The following RYK variants were observed in gnomAD, a reference collection of about 807,000 sequenced individuals.
RYK encodes receptor like tyrosine kinase, also known as inactive tyrosine-protein kinase RYK.
Under a neutral mutation model 70.2 loss-of-function variants are expected in RYK, and 21 were observed. The ratio of observed to expected loss-of-function variants is 0.30; its 90% CI spans 0.21 to 0.43. RYK has a LOEUF of 0.43. Ranked by LOEUF, RYK falls within the 20% of genes least tolerant of loss-of-function variation. RYK has a pLI of 1.00. For missense variants in RYK, 604 were observed against 753.3 expected, an observed-to-expected ratio of 0.80 and a Z score of 2.32; for synonymous variants, 267 against 278.0, an observed-to-expected ratio of 0.96 and a Z score of 0.39.
intron 13 of RYK, among the ~76,000 whole-genome samples, chr3:134,168,414 A>G (rs2012767151): frequency 1.3e-5 from 2 of 152,224 alleles, no homozygotes; most frequent in Admixed American, 1.3e-4. Context: ...AATGTGGCAC[A>G]TATACACCAT....
Position 134,195,159 on chromosome 3 carries a change from T to C in RYK, c.812A>G (p.Gln271Arg). Residue 271 changes from glutamine to arginine, a missense_variant, in exon 7 of 15, where the codon CAA becomes CGA. Transcript: ENST00000623711. ...DDSISASSSSQGLSQPSTQTT... is the reference protein window; with the variant it reads ...DDSISASSSSRGLSQPSTQTT... ...CTGGGTGGATGGCTGAGACAGCCCT[T>C]GGGAACTACTGCTGGCACTAATGCT... The C allele has an allele frequency of 1.2e-6, 2 of 1,612,816 alleles. No individual in the cohort carries two copies. The highest frequency in any genetic ancestry group is 1.7e-6 in the Non-Finnish European group (2 of 1,179,234).
chr3:134,162,820 T>C (rs2012522618), intron 13 of RYK, among the ~76,000 whole-genome samples: 1 of 152,180 alleles, frequency 6.6e-6, no homozygotes, highest in Non-Finnish European at 1.5e-5. Context: ...GAAATGAAAC[T>C]GGTCGGAAGG....
chr3:134,172,015 C>A (rs376258596), intron 13 of RYK, among the ~76,000 whole-genome samples: 3 of 152,102 alleles, frequency 2.0e-5, no homozygotes, highest in African/African-American at 7.2e-5. Flanking sequence ...TCAAATTACA[C>A]GAAATACTTA....
chr3:134,166,151 T>C (rs2012658361), intron 13 of RYK, among the ~76,000 whole-genome samples: 1 of 152,102 alleles, frequency 6.6e-6, no homozygotes, highest in East Asian at 1.9e-4. Context: ...CCCCAAGTGA[T>C]GGTATTAGGA....
At chr3:134,165,403 G>GT (rs938489257) in intron 13 of RYK, among the ~76,000 whole-genome samples, 1 of 152,210 alleles carries the variant, frequency 6.6e-6, no homozygotes, top group African/African-American at 2.4e-5. Flanking sequence ...AACAGAAGTG[G>GT]TAAGAGTGGG....
At chr3:134,221,974 C>G (rs1026844098) in intron 2 of RYK, among the ~76,000 whole-genome samples, 5 of 152,176 alleles carry the variant, frequency 3.3e-5, no homozygotes, top group Admixed American at 6.5e-5. Flanking sequence ...CACATGGGGG[C>G]TGCATCTGCT....
At chr3:134,248,686 T>G (rs1162460982) in intron 1 of RYK, among the ~76,000 whole-genome samples, 1 of 151,822 alleles carries the variant, frequency 6.6e-6, no homozygotes, top group Non-Finnish European at 1.5e-5. Context: ...AAGTGGTCGC[T>G]ACTTGGGAGG....
chr3:134,199,100 C>T (rs2013905894), intron 6 of RYK, among the ~76,000 whole-genome samples: 1 of 152,212 alleles, frequency 6.6e-6, no homozygotes. Flanking sequence ...CCAGGACAGA[C>T]TCATCAGGCG....
intron 2 of RYK, among the ~76,000 whole-genome samples, chr3:134,218,008 G>T (rs975305328): frequency 2.0e-5 from 3 of 151,972 alleles, no homozygotes; most frequent in Non-Finnish European, 4.4e-5. Flanking sequence ...AAAAAACATC[G>T]TAAGACGGTT....
At chr3:134,197,959 A>T (rs1487642958) in intron 6 of RYK, among the ~76,000 whole-genome samples, 1 of 152,202 alleles carries the variant, frequency 6.6e-6, no homozygotes, top group Non-Finnish European at 1.5e-5. Context: ...AACAGATATT[A>T]AGTGGGTCCC....
chr3:134,217,678 T>C (rs968074139), intron 2 of RYK, among the ~76,000 whole-genome samples: 2 of 152,174 alleles, frequency 1.3e-5, no homozygotes, highest in Admixed American at 6.5e-5. Flanking sequence ...TGGAAGCTTA[T>C]ATACACACGA....
chr3:134,244,086 G>A (rs1282074549), intron 1 of RYK, among the ~76,000 whole-genome samples: 1 of 152,170 alleles, frequency 6.6e-6, no homozygotes, highest in Admixed American at 6.5e-5. Flanking sequence ...ATTTTAAGAG[G>A]AGAAGCAAGT....
chr3:134,183,523 T>C (rs1269897340), intron 9 of RYK: 1 of 152,178 alleles, frequency 6.6e-6, no homozygotes, highest in Non-Finnish European at 1.5e-5. Flanking sequence ...AACCAGGAGA[T>C]GCCATTTCCC....
Position 134,175,919 on chromosome 3 carries a change from A to G in RYK, c.1415+11T>C, listed in dbSNP as rs749304375. The G allele has an allele frequency of 4.4e-6, 7 of 1,588,692 alleles. No individual in the cohort carries two copies. In the East Asian group the frequency reaches 1.1e-4, roughly 25 times the overall value. Reference sequence around the variant, plus strand: ...TACATCAAGTGACAGCGTCAAGCTCATGGCACCTACACACAGTTCCTGGCA... The same window carrying G: ...TACATCAAGTGACAGCGTCAAGCTCGTGGCACCTACACACAGTTCCTGGCA... On this transcript the variant is annotated intron_variant, in intron 12 of 14. Coordinates refer to ENST00000623711, the MANE Select transcript of RYK (RefSeq NM_002958.4).
At chr3:134,187,747 G>T (rs991134199) in intron 9 of RYK, among the ~76,000 whole-genome samples, 1 of 145,342 alleles carries the variant, frequency 6.9e-6, no homozygotes, top group African/African-American at 2.6e-5. Flanking sequence ...TTGTAGAGAC[G>T]GGGGGTCTTG....
At chr3:134,243,368 T>C (rs1559768504) in intron 1 of RYK, among the ~76,000 whole-genome samples, 2 of 152,198 alleles carry the variant, frequency 1.3e-5, no homozygotes, top group Non-Finnish European at 2.9e-5. Flanking sequence ...AGGTTGGCTC[T>C]ATCTCATTTC....
chr3:134,201,038 C>T (rs144939059), intron 6 of RYK, among the ~76,000 whole-genome samples: 207 of 152,324 alleles, frequency 1.4e-3, no homozygotes, highest in Non-Finnish European at 2.4e-3. Flanking sequence ...AAGGAAAACG[C>T]AACTCTCTGG....
At chr3:134,239,475 A>G (rs1473870847) in intron 1 of RYK, among the ~76,000 whole-genome samples, 1 of 152,164 alleles carries the variant, frequency 6.6e-6, no homozygotes, top group Non-Finnish European at 1.5e-5. Context: ...AAGGGGGAAA[A>G]AAAAGAAAAG....
rs1553770174 is a variant in RYK at position 134,188,168 on chromosome 3, T to TATA, written c.1102+668_1102+669insTAT. ...ATCTAACAATATATATATATATATATTTTTTTTTTTTTTTGAGACAGAGTC... is the reference window on the plus strand; with the variant it reads ...ATCTAACAATATATATATATATATATATATTTTTTTTTTTTTTGAGACAGAGTC... On this transcript the variant is annotated intron_variant, in intron 9 of 14. Coordinates refer to ENST00000623711, the MANE Select transcript of RYK (RefSeq NM_002958.4). Among the ~76,000 whole-genome samples the TATA allele has an allele frequency of 3.7e-3, 288 of 77,300 alleles. 2 individuals are homozygous for TATA. Among genetic ancestry groups the TATA allele is most frequent in the African/African-American group, 7.2e-3 (151 of 21,114 alleles). 50.7% of individuals were successfully genotyped at this position (77,300 alleles called of 152,430 possible).
Sources: gnomAD v4.1 joint callset for allele counts (sites outside exome capture counted in the v4.1 genomes callset) on GRCh38, gnomAD v4.1.1 for gene constraint, MANE v1.5 for transcripts, NCBI Gene and HGNC (gene_info 2026-07-23, HGNC 2026-07-21) for gene names.